The following FBXO46 variants were observed in gnomAD, a reference collection of about 807,000 sequenced individuals.
FBXO46 encodes the protein F-box only protein 46.
FBXO46 carries 13 observed loss-of-function variants against 30.7 expected under a neutral mutation model. The ratio of observed to expected loss-of-function variants is 0.42; its 90% confidence interval spans 0.28 to 0.67. FBXO46 has a LOEUF of 0.67. FBXO46 is among the 30% of genes least tolerant of loss of function. FBXO46 has a pLI of 0.21. For missense variants in FBXO46, 754 were observed against 871.5 expected (o/e 0.87, Z 1.70); for synonymous variants, 467 against 385.8 (o/e 1.21, Z -2.47).
chr19:45,723,666 CT>C (rs1333885165), intron 1 of FBXO46, among the ~76,000 whole-genome samples: 1 of 151,572 alleles, frequency 6.6e-6, no homozygotes, highest in East Asian at 1.9e-4. Flanking sequence ...ACTAATTCTT[CT>C]TTTTTTTTCT....
rs776716256 is a variant in FBXO46 at position 45,712,454 on chromosome 19, G to T, written c.1042C>A (p.Pro348Thr). 2 of 1,611,396 alleles carry T rather than the reference G, an allele frequency of 1.2e-6. No individual in the cohort carries two copies. Among genetic ancestry groups the T allele is most frequent in the South Asian group, 2.2e-5 (2 of 90,912 alleles). ...GCAGGGGGCGGAGGGGGCGCCGGGG[G>T]AGTGTCCTCAGGCCTGGCGGGTGCC... ...SPAPARPEDT[P>T]PAPPPPPARD... Residue 348 changes from proline (P) to threonine (T), a missense_variant, in exon 2 of 2, where the codon CCC becomes ACC. Pro to Thr is a conservative substitution (Grantham distance 38, BLOSUM62 -1). Transcript: ENST00000317683. This position sits in a 1 kb window ranked among gnomAD's most constrained non-coding sequence, Gnocchi z 8.8.
chr19:45,724,253 T>C (rs1968210008), intron 1 of FBXO46, among the ~76,000 whole-genome samples: 1 of 152,150 alleles, frequency 6.6e-6, no homozygotes, highest in Non-Finnish European at 1.5e-5. Context: ...CTGGCAACTT[T>C]TCCCCAAACC....
At chr19:45,725,289 C>T (rs148559197) in intron 1 of FBXO46, among the ~76,000 whole-genome samples, 291 of 152,062 alleles carry the variant, frequency 1.9e-3, no homozygotes, top group Admixed American at 3.5e-3. Flanking sequence ...GTGGCATGCC[C>T]CTGTAGTCCC....
rs1968017272 is a variant in FBXO46, at chr19:45,712,897, A to C, written c.599T>G (p.Val200Gly). The change falls in exon 2 of 2, where the codon GTC becomes GGC. Residue 200 changes from valine to glycine, a missense_variant. Physicochemically the swap from Val to Gly is moderately radical, Grantham distance 109. Around this residue, in one of 5 missense-constraint regions of FBXO46, gnomAD observed 454 missense variants for 426.5 expected, o/e 1.06. Coordinates refer to ENST00000317683, the MANE Select transcript of FBXO46 (RefSeq NM_001080469.2). The surrounding 1 kb of genome is among the most constrained non-coding windows in gnomAD (Gnocchi z 8.8). ...YPRPTTPAPVVFVSAEQGGPA... is the reference protein window; with the variant it reads ...YPRPTTPAPVGFVSAEQGGPA... Reference sequence around the variant, plus strand: ...TCCACCTTGCTCGGCGGACACAAAGACTACAGGCGCTGGGGTGGTCGGTCG... The same window carrying C: ...TCCACCTTGCTCGGCGGACACAAAGCCTACAGGCGCTGGGGTGGTCGGTCG... 6.2e-7 allele frequency: 1 copy of C among 1,612,924 alleles called. No individual in the cohort carries two copies. Among genetic ancestry groups the C allele is most frequent in the African/African-American group, 1.3e-5 (1 of 74,862 alleles).
chr19:45,728,405 C>T (rs954357524), intron 1 of FBXO46, among the ~76,000 whole-genome samples: 1 of 152,216 alleles, frequency 6.6e-6, no homozygotes, highest in African/African-American at 2.4e-5. Context: ...ACAACTCACA[C>T]GTACTGAGCC....
At position 45,713,499 on chromosome 19, in the gene FBXO46, G is replaced by A. The variant is rs965176155; in HGVS notation, c.-4C>T. 3.9e-6 allele frequency: 6 copies of A among 1,543,506 alleles called. No homozygotes were observed. Among genetic ancestry groups the A allele is most frequent in the African/African-American group, 1.4e-5 (1 of 73,148 alleles). ...GCAGGAGGCTCCCACGGTCCATGCT[G>A]GGGGATGATGGCAGACAGGCTGGGC... On this transcript the variant is annotated 5_prime_UTR_variant, in exon 2 of 2. Transcript: ENST00000317683. This position sits in a 1 kb window ranked among gnomAD's most constrained non-coding sequence, Gnocchi z 4.7.
chr19:45,713,069 C>T lies in FBXO46; in HGVS notation c.427G>A (p.Ala143Thr). The T allele has an allele frequency of 6.3e-7, 1 of 1,583,174 alleles. No individual in the cohort carries two copies. Among genetic ancestry groups the T allele is most frequent in the Non-Finnish European group, 8.6e-7 (1 of 1,166,476 alleles). Residue 143 changes from alanine (A) to threonine (T), a missense_variant, in exon 2 of 2, where the codon GCT (alanine) becomes ACT (threonine). Coordinates refer to ENST00000317683, the MANE Select transcript of FBXO46 (RefSeq NM_001080469.2). This position sits in a 1 kb window ranked among gnomAD's most constrained non-coding sequence, Gnocchi z 4.7. ...TCCCGGCCCCCTGGGTCAGGAGGAG[C>T]CTTGGTGGGGTCAAGACAGCGCCTC... ...RRRRCLDPTK[A>T]PPDPGGREGP... is the part of the protein sequence containing the mutation.
intron 1 of FBXO46, chr19:45,714,791 G>A (rs1968065852): frequency 6.6e-6 from 1 of 152,236 alleles, no homozygotes; most frequent in African/African-American, 2.4e-5. Flanking sequence ...CTAGTTGGGA[G>A]GCTGAGGTGG....
rs1237285730 is a variant in FBXO46, at chr19:45,711,215, G to C, written c.*469C>G. The C allele has an allele frequency of 2.3e-6, 1 of 425,570 alleles. No individual in the cohort carries two copies. The allele number at this position is 425,570 out of a possible 1,614,324, so 26.4% of individuals were successfully genotyped here. Reference sequence around the variant, plus strand: ...AATTCCTAGAGAGGTGAGAGCTGTCGTGTGGCAGGTTAGGAGAGGTGCCAA... The same window carrying C: ...AATTCCTAGAGAGGTGAGAGCTGTCCTGTGGCAGGTTAGGAGAGGTGCCAA... On this transcript the variant is annotated 3_prime_UTR_variant, in exon 2 of 2. Coordinates refer to ENST00000317683, the MANE Select transcript of FBXO46 (RefSeq NM_001080469.2).
At chr19:45,716,120 G>A (rs545969756) in intron 1 of FBXO46, 1 of 152,316 alleles carries the variant, frequency 6.6e-6, no homozygotes, top group African/African-American at 2.4e-5. Context: ...GTGCCAAGAT[G>A]ACACTGATAG....
chr19:45,729,486 A>C (rs1430856155), intron 1 of FBXO46, among the ~76,000 whole-genome samples: 1 of 152,236 alleles, frequency 6.6e-6, no homozygotes, highest in African/African-American at 2.4e-5. Flanking sequence ...AAATGGCAGA[A>C]CTAATATTCT....
At chr19:45,721,553 CTTTT>C (rs35101456) in intron 1 of FBXO46, among the ~76,000 whole-genome samples, 8 of 110,766 alleles carry the variant, frequency 7.2e-5, no homozygotes, top group Non-Finnish European at 3.5e-5. Flanking sequence ...GGTCCTGTTC[CTTTT>C]TTTTTTTTTT....
At chr19:45,732,787 C>T (rs1968342464), upstream of FBXO46, among the ~76,000 whole-genome samples, 1 of 151,764 alleles carries the variant, frequency 6.6e-6, no homozygotes, top group African/African-American at 2.4e-5. Context: ...GACGGGGTTT[C>T]ACCATTGTTG....
Position 45,712,239 on chromosome 19 carries a change from G to T in FBXO46, c.1257C>A (p.Pro419=). 6.2e-7 allele frequency: 1 copy of T among 1,604,816 alleles called. No homozygotes were observed. The highest frequency in any genetic ancestry group is 2.2e-5 in the East Asian group (1 of 44,756). The change falls in exon 2 of 2, where the codon CCC becomes CCA. Residue 419 remains proline (P), a synonymous_variant. Coordinates refer to ENST00000317683, the MANE Select transcript of FBXO46 (RefSeq NM_001080469.2). This position sits in a 1 kb window ranked among gnomAD's most constrained non-coding sequence, Gnocchi z 8.8. ...GGGAGTCGGCCGGGGGTGGCTCCGG[G>T]GGCCCGTCCGGCCCGCGGTTCTGGA... The part of the protein sequence containing the change: ...FFLQNRGPDG[P]PEPPPADSPA...
rs761758759 is a variant in FBXO46 at position 45,713,276 on chromosome 19, AGAG to A, written c.217_219del (p.Leu73del). 2.5e-6 allele frequency: 4 copies of A among 1,613,854 alleles called. No individual in the cohort carries two copies. In the South Asian group the frequency reaches 4.4e-5, roughly 18 times the overall value. On this transcript the variant is annotated inframe_deletion, in exon 2 of 2. Coordinates refer to ENST00000317683, the MANE Select transcript of FBXO46 (RefSeq NM_001080469.2). This position sits in a 1 kb window ranked among gnomAD's most constrained non-coding sequence, Gnocchi z 4.7. ...CCCTCATCACCAGCAGCTGCTGCTG[AGAG>A]GAGCGGAGCCGGCTGGGAGGCAGGG...
chr19:45,715,404 G>C (rs186215969), intron 1 of FBXO46: 1 of 152,300 alleles, frequency 6.6e-6, no homozygotes, highest in East Asian at 1.9e-4. Context: ...CAGCAGAGCT[G>C]AATAGCAGAA....
In FBXO46 at chr19:45,712,253, C is replaced by G. The variant is rs1241757508; in HGVS notation, c.1243G>C (p.Gly415Arg). The change falls in exon 2 of 2, where the codon GGG becomes CGG. Residue 415 changes from glycine (G) to arginine (R), a missense_variant. This residue lies in a region of FBXO46 where 454 missense variants were observed against 426.5 expected (regional missense o/e 1.06). Transcript: ENST00000317683. The surrounding 1 kb of genome is among the most constrained non-coding windows in gnomAD (Gnocchi z 8.8). Reference protein sequence around the residue: ...PGQLFFLQNRGPDGPPEPPPA... With the variant: ...PGQLFFLQNRRPDGPPEPPPA... ...GGTGGCTCCGGGGGCCCGTCCGGCC[C>G]GCGGTTCTGGAGAAAGAAGAGCTGG... 3 of 1,604,734 alleles carry G rather than the reference C, an allele frequency of 1.9e-6. No individual in the cohort carries two copies. The highest frequency in any genetic ancestry group is 2.2e-5 in the East Asian group (1 of 44,806).
At position 45,713,283 on chromosome 19, in the gene FBXO46, C is replaced by CGGA; in HGVS notation, c.210_212dup (p.Pro71dup). The stretch of plus-strand genomic sequence containing the variant: ...CACCAGCAGCTGCTGCTGAGAGGAG[C>CGGA]GGAGCCGGCTGGGAGGCAGGGACCT... On this transcript the variant is annotated inframe_insertion, in exon 2 of 2. Coordinates refer to ENST00000317683, the MANE Select transcript of FBXO46 (RefSeq NM_001080469.2). This position sits in a 1 kb window ranked among gnomAD's most constrained non-coding sequence, Gnocchi z 4.7. 1 of 1,607,916 alleles carries CGGA rather than the reference C, an allele frequency of 6.2e-7. No homozygotes were observed. The highest frequency in any genetic ancestry group is 8.5e-7 in the Non-Finnish European group (1 of 1,175,712).
Position 45,713,650 on chromosome 19 carries a change from C to A in FBXO46, c.-78-77G>T. ...AGGACCACCCCAACCTCCACCTCTCCTTAGACCAAACCAGACCATCAAGAA... is the reference window on the plus strand; with the variant it reads ...AGGACCACCCCAACCTCCACCTCTCATTAGACCAAACCAGACCATCAAGAA... On this transcript the variant is annotated intron_variant, in intron 1 of 1. Transcript: ENST00000317683. The surrounding 1 kb of genome is among the most constrained non-coding windows in gnomAD (Gnocchi z 4.7). 1 of 626,374 alleles carries A rather than the reference C, an allele frequency of 1.6e-6. No individual in the cohort carries two copies. 38.8% of individuals were successfully genotyped at this position (626,374 alleles called of 1,614,324 possible).
Sources: allele counts gnomAD v4.1 joint callset (sites outside exome capture counted in the v4.1 genomes callset), GRCh38; gene constraint gnomAD v4.1.1; regional missense constraint gnomAD v4.1.1; non-coding constraint Gnocchi (gnomAD v3.1); transcripts MANE v1.5; gene names NCBI Gene and HGNC (gene_info 2026-07-23, HGNC 2026-07-21).